Variants in HMGCLL1 observed in about 807,000 individuals in gnomAD.
HMGCLL1 encodes the protein 3-hydroxy-3-methylglutaryl-CoA lyase like 1.
Under a neutral mutation model 39.1 loss-of-function variants are expected in HMGCLL1, and 36 were observed. The observed-to-expected ratio is 0.92, with a 90% CI of 0.71 to 1.22. The LOEUF (loss-of-function observed/expected upper bound fraction) is 1.22. Ranked by LOEUF, HMGCLL1 falls within the 50% of genes most tolerant of loss-of-function variation. The pLI is 0.00. For missense variants in HMGCLL1, 451 were observed against 416.5 expected, an observed-to-expected ratio of 1.08 and a Z score of -0.72; for synonymous variants, 149 against 144.0, an observed-to-expected ratio of 1.03 and a Z score of -0.25.
At position 55,574,635 on chromosome 6, in the gene HMGCLL1, T is replaced by C. The variant is rs1400211424; in HGVS notation, c.108+4313A>G. Among the ~76,000 whole-genome samples, 6 of 152,006 alleles carry C rather than the reference T, an allele frequency of 3.9e-5. No individual in the cohort carries two copies. The South Asian group carries it at 1.0e-3, about 26-fold the overall frequency. On this transcript the variant is annotated intron_variant, in intron 1 of 8. Transcript: ENST00000274901. ...AAATGGTAAGGAGACAAATAAAGAA[T>C]ACATGAGACAAATAGAAAACAGTAT...
At chr6:55,597,712 G>T in the HMGCLL1 span, among the ~76,000 whole-genome samples, 1 of 152,052 alleles carries the variant, frequency 6.6e-6, no homozygotes, top group South Asian at 2.1e-4. Flanking sequence ...AGGGCTTAAA[G>T]TTCCAAGTAA....
At position 55,532,803 on chromosome 6, in the gene HMGCLL1, ACATAATAATAATAATAATAATAAT is replaced by A. The variant is rs1432440508; in HGVS notation, c.297+8902_297+8925del. On this transcript the variant is annotated intron_variant, in intron 3 of 8. Coordinates refer to ENST00000274901, the MANE Select transcript of HMGCLL1 (RefSeq NM_001042406.2). ...GCAACAAAGCAAGACTCTGTCTCAA[ACATAATAATAATAATAATAATAAT>A]AATAATAATAATAATAATAATAATA... 1.7e-3 allele frequency among the ~76,000 whole-genome samples: 235 copies of A among 138,456 alleles called. 3 individuals are homozygous for A. Among genetic ancestry groups the A allele is most frequent in the Non-Finnish European group, 3.0e-3 (198 of 65,132 alleles). The allele number at this position is 138,456 out of a possible 152,430, so 90.8% of individuals were successfully genotyped here.
Position 55,495,552 on chromosome 6 carries a change from A to C in HMGCLL1, c.662T>G (p.Ile221Ser). The change falls in exon 7 of 9, where the codon ATT becomes AGT. Residue 221 changes from isoleucine (I) to serine (S), a missense_variant. Transcript: ENST00000274901. ...CATACTTCCTGGAGTTCCCACTCCA[A>C]TTGTGTCTCCTAGAGAGATCTCATA... is the stretch of plus-strand genomic sequence containing the variant. ...GCYEISLGDT[I>S]GVGTPGSMKR... 6.2e-7 allele frequency: 1 copy of C among 1,613,516 alleles called. No individual in the cohort carries two copies. Among genetic ancestry groups the C allele is most frequent in the African/African-American group, 1.3e-5 (1 of 75,032 alleles).
At chr6:55,619,654 T>G in the HMGCLL1 span, among the ~76,000 whole-genome samples, 1 of 152,080 alleles carries the variant, frequency 6.6e-6, no homozygotes, top group Non-Finnish European at 1.5e-5. Flanking sequence ...TCAGGGAAAA[T>G]AGGGTACTTA....
upstream of HMGCLL1, among the ~76,000 whole-genome samples, chr6:55,580,699 G>A (rs553074864): frequency 7.2e-5 from 11 of 152,272 alleles, no homozygotes; most frequent in Non-Finnish European, 1.2e-4. Flanking sequence ...ACAGGGGTCA[G>A]CCACCGCGCC....
intron 7 of HMGCLL1, among the ~76,000 whole-genome samples, chr6:55,461,693 A>G (rs188999811): frequency 1.1e-4 from 17 of 152,246 alleles, no homozygotes; most frequent in Non-Finnish European, 1.3e-4. Context: ...GCACCATGAA[A>G]TTAGATCAAG....
the HMGCLL1 span, among the ~76,000 whole-genome samples, chr6:55,619,993 A>G: frequency 6.6e-6 from 1 of 152,092 alleles, no homozygotes; most frequent in Non-Finnish European, 1.5e-5. Context: ...TTCCATTTCC[A>G]TCCATGTTGT....
intron 7 of HMGCLL1, among the ~76,000 whole-genome samples, chr6:55,446,429 G>T (rs1197404008): frequency 6.6e-6 from 1 of 151,426 alleles, no homozygotes; most frequent in Non-Finnish European, 1.5e-5. Context: ...TAACTCAATG[G>T]CCCAGGATAC....
In HMGCLL1 at chr6:55,480,803, A is replaced by T. The variant is rs117982755; in HGVS notation, c.795+14616T>A. On this transcript the variant is annotated intron_variant, in intron 7 of 8. Coordinates refer to ENST00000274901, the MANE Select transcript of HMGCLL1 (RefSeq NM_001042406.2). ...CACAATGGAATACTATTCAGCCATA[A>T]AAAAGAATGAGATCCCGTTATTTGC... 2.0e-3 allele frequency among the ~76,000 whole-genome samples: 303 copies of T among 148,484 alleles called. No individual in the cohort carries two copies. The East Asian group carries it at 0.025, about 12-fold the overall frequency.
At chr6:55,500,677 C>T (rs993843947) in intron 5 of HMGCLL1, among the ~76,000 whole-genome samples, 36 of 151,998 alleles carry the variant, frequency 2.4e-4, no homozygotes, top group African/African-American at 8.2e-4. Flanking sequence ...CTCATCCCTC[C>T]GTTATTCCAA....
chr6:55,470,093 C>G (rs1352827151), intron 7 of HMGCLL1, among the ~76,000 whole-genome samples: 1 of 151,886 alleles, frequency 6.6e-6, no homozygotes, highest in Non-Finnish European at 1.5e-5. Context: ...GTCTAAGAGT[C>G]GTTCCTTGCT....
At chr6:55,655,577 T>TAG in the HMGCLL1 span, among the ~76,000 whole-genome samples, 2 of 151,812 alleles carry the variant, frequency 1.3e-5, no homozygotes, top group African/African-American at 2.4e-5. Flanking sequence ...GATAGATAGA[T>TAG]ATCCTGCCTC....
At chr6:55,642,299 A>G in the HMGCLL1 span, among the ~76,000 whole-genome samples, 4 of 151,228 alleles carry the variant, frequency 2.6e-5, no homozygotes, top group Non-Finnish European at 5.9e-5. Flanking sequence ...TTCTTAATCC[A>G]GTCTATCATT....
intron 1 of HMGCLL1, among the ~76,000 whole-genome samples, chr6:55,552,138 C>T (rs1770366527): frequency 6.6e-6 from 1 of 151,846 alleles, no homozygotes; most frequent in Non-Finnish European, 1.5e-5. Flanking sequence ...AACAAACACA[C>T]ACAAAAAAGA....
chr6:55,604,893 TG>T, the HMGCLL1 span, among the ~76,000 whole-genome samples: 2 of 150,016 alleles, frequency 1.3e-5, no homozygotes, highest in African/African-American at 5.0e-5. Context: ...CACTATCCTA[TG>T]TATAAGTGAC....
intron 4 of HMGCLL1, among the ~76,000 whole-genome samples, chr6:55,515,706 C>T (rs1367655614): frequency 6.6e-6 from 1 of 151,940 alleles, no homozygotes; most frequent in Non-Finnish European, 1.5e-5. Context: ...TACTAGATGA[C>T]ACCAATATTT....
At chr6:55,451,150 T>C (rs532149454) in intron 7 of HMGCLL1, among the ~76,000 whole-genome samples, 98 of 152,222 alleles carry the variant, frequency 6.4e-4, no homozygotes, top group African/African-American at 2.2e-3. Flanking sequence ...CCACAAACAA[T>C]ATTGTTCTGA....
In HMGCLL1 at chr6:55,495,559, C is replaced by A; in HGVS notation, c.655G>T (p.Asp219Tyr). Reference protein sequence around the residue: ...GMGCYEISLGDTIGVGTPGSM... With the variant: ...GMGCYEISLGYTIGVGTPGSM... ...CCTGGAGTTCCCACTCCAATTGTGT[C>A]TCCTAGAGAGATCTCATAACAACCC... Residue 219 changes from aspartate (D) to tyrosine (Y), a missense_variant, in exon 7 of 9, where the codon GAC (aspartate) becomes TAC (tyrosine). Coordinates refer to ENST00000274901, the MANE Select transcript of HMGCLL1 (RefSeq NM_001042406.2). The A allele has an allele frequency of 6.2e-7, 1 of 1,613,450 alleles. No individual in the cohort carries two copies. The highest frequency in any genetic ancestry group is 8.5e-7 in the Non-Finnish European group (1 of 1,179,618).
At chr6:55,484,925 T>A (rs1765940376) in intron 7 of HMGCLL1, among the ~76,000 whole-genome samples, 1 of 152,090 alleles carries the variant, frequency 6.6e-6, no homozygotes, top group Admixed American at 6.6e-5. Context: ...TTTTTTCCAT[T>A]TCACTCAAAG....
Sources: gnomAD v4.1 joint callset for allele counts (sites outside exome capture counted in the v4.1 genomes callset) on GRCh38, gnomAD v4.1.1 for gene constraint, MANE v1.5 for transcripts, NCBI Gene and HGNC (gene_info 2026-07-23, HGNC 2026-07-21) for gene names.